The following CADPS2 variants were observed in gnomAD, a reference collection of about 807,000 sequenced individuals.
CADPS2 encodes the protein calcium-dependent secretion activator 2.
A neutral mutation model predicts 172.5 loss-of-function variants in CADPS2; 93 were observed. The observed-to-expected ratio is 0.54, with a 90% CI of 0.46 to 0.64. CADPS2 has a LOEUF of 0.64. CADPS2 is among the 30% of genes least tolerant of loss of function. The pLI is 0.00. For missense variants in CADPS2, 1,420 were observed against 1,565.9 expected, an observed-to-expected ratio of 0.91 and a Z score of 1.57; for synonymous variants, 546 against 555.2, an observed-to-expected ratio of 0.98 and a Z score of 0.23.
intron 2 of CADPS2, chr7:122,702,756 C>T: frequency 6.3e-7 from 1 of 1,582,890 alleles, no homozygotes; most frequent in South Asian, 1.2e-5. Context: ...CTCATGCCTC[C>T]ATTTGTCTAT....
chr7:122,542,074 C>A (rs1411011425), intron 8 of CADPS2, among the ~76,000 whole-genome samples: 1 of 151,638 alleles, frequency 6.6e-6, no homozygotes, highest in Non-Finnish European at 1.5e-5. Context: ...ACGTGCCAGG[C>A]AATGTTTTAG....
intron 1 of CADPS2, among the ~76,000 whole-genome samples, chr7:122,794,041 T>C (rs1043809538): frequency 6.6e-6 from 1 of 152,164 alleles, no homozygotes; most frequent in Non-Finnish European, 1.5e-5. Context: ...CTGACCTTTC[T>C]AGCTGTCATG....
chr7:122,880,636 T>C (rs184159350), intron 1 of CADPS2, among the ~76,000 whole-genome samples: 1 of 152,320 alleles, frequency 6.6e-6, no homozygotes, highest in African/African-American at 2.4e-5. Flanking sequence ...TTTAACACTA[T>C]ACCCCCTGAG....
chr7:122,531,181 G>A (rs1407229817), intron 8 of CADPS2, among the ~76,000 whole-genome samples: 1 of 152,110 alleles, frequency 6.6e-6, no homozygotes, highest in Non-Finnish European at 1.5e-5. Context: ...CTCATTTGTT[G>A]TCCTTTAGCA....
At chr7:122,648,672 T>G (rs1294521990) in intron 3 of CADPS2, among the ~76,000 whole-genome samples, 1 of 152,134 alleles carries the variant, frequency 6.6e-6, no homozygotes, top group Admixed American at 6.5e-5. Context: ...ATTCCGACAC[T>G]TTTATCTTGT....
chr7:122,705,911 T>TAATATAATATATAA (rs1491293247), intron 2 of CADPS2, among the ~76,000 whole-genome samples: 82 of 1,160 alleles, frequency 0.071, 29 homozygotes, highest in African/African-American at 0.088. Flanking sequence ...ATATAATATA[T>TAATATAATATATAA]TATATAATAT....
intron 3 of CADPS2, among the ~76,000 whole-genome samples, chr7:122,657,284 C>T (rs1161803176): frequency 6.6e-6 from 1 of 152,270 alleles, no homozygotes; most frequent in Admixed American, 6.5e-5. Flanking sequence ...ATTGTCTTGG[C>T]AATGCAGGCT....
chr7:122,452,597 T>C (rs1256583691), intron 14 of CADPS2, among the ~76,000 whole-genome samples: 2 of 152,148 alleles, frequency 1.3e-5, no homozygotes, highest in African/African-American at 2.4e-5. Flanking sequence ...GGTTTCACCA[T>C]GTTGTTCAGG....
intron 27 of CADPS2, among the ~76,000 whole-genome samples, chr7:122,352,387 G>T (rs565199390): frequency 7.3e-4 from 111 of 152,250 alleles, no homozygotes; most frequent in African/African-American, 2.5e-3. Flanking sequence ...GACTGGGATG[G>T]GTTTACTCAG....
intron 2 of CADPS2, chr7:122,676,775 T>G (rs1232858561): frequency 5.8e-6 from 6 of 1,027,628 alleles, no homozygotes; most frequent in Non-Finnish European, 2.9e-6. Flanking sequence ...CTCCAGACTG[T>G]GAACCAAACC....
chr7:122,344,228 G>C (rs1335939387), intron 28 of CADPS2, among the ~76,000 whole-genome samples: 4 of 152,180 alleles, frequency 2.6e-5, no homozygotes, highest in Non-Finnish European at 5.9e-5. Context: ...ATAATTAAGT[G>C]AAACTGCCAG....
chr7:122,354,821 A>G (rs1022524911), intron 27 of CADPS2, among the ~76,000 whole-genome samples: 1 of 152,160 alleles, frequency 6.6e-6, no homozygotes, highest in African/African-American at 2.4e-5. Flanking sequence ...CCAAGGTTCT[A>G]TGATGGGGCC....
chr7:122,563,688 C>T (rs899657478), intron 7 of CADPS2, among the ~76,000 whole-genome samples: 7 of 151,976 alleles, frequency 4.6e-5, no homozygotes, highest in South Asian at 2.1e-4. Flanking sequence ...CCATAACATA[C>T]GGTGGTCGGA....
At chr7:122,885,456 G>C (rs1025925015) in intron 1 of CADPS2, among the ~76,000 whole-genome samples, 4 of 152,006 alleles carry the variant, frequency 2.6e-5, no homozygotes, top group African/African-American at 9.7e-5. Flanking sequence ...CTGGTTGTAT[G>C]ACAATATAGG....
At chr7:122,695,086 G>T (rs1360026575) in intron 2 of CADPS2, among the ~76,000 whole-genome samples, 1 of 152,188 alleles carries the variant, frequency 6.6e-6, no homozygotes, top group Middle Eastern at 3.2e-3. Context: ...TTCTCTGCAG[G>T]ACAGTTGCAT....
intron 3 of CADPS2, among the ~76,000 whole-genome samples, chr7:122,650,449 A>G (rs1035851578): frequency 3.9e-5 from 6 of 152,104 alleles, no homozygotes; most frequent in African/African-American, 1.4e-4. Context: ...TCTCTTTGTA[A>G]AGCTGTGTTC....
intron 6 of CADPS2, among the ~76,000 whole-genome samples, chr7:122,602,545 G>T (rs558739889): frequency 1.3e-5 from 2 of 152,140 alleles, no homozygotes; most frequent in East Asian, 1.9e-4. Context: ...AAACCTTCAA[G>T]TTGAACTGGT....
intron 2 of CADPS2, among the ~76,000 whole-genome samples, chr7:122,693,505 C>T (rs2084663802): frequency 1.3e-5 from 2 of 152,306 alleles, no homozygotes; most frequent in African/African-American, 4.8e-5. Flanking sequence ...GTCTTGTGTG[C>T]ACACTGGAAT....
intron 1 of CADPS2, among the ~76,000 whole-genome samples, chr7:122,762,079 T>C (rs981727159): frequency 1.4e-5 from 2 of 146,906 alleles, no homozygotes; most frequent in African/African-American, 5.0e-5. Flanking sequence ...TGTGTATATA[T>C]AAAAGTGTAT....
Sources: gnomAD v4.1 joint callset for allele counts (sites outside exome capture counted in the v4.1 genomes callset) on GRCh38, gnomAD v4.1.1 for gene constraint, MANE v1.5 for transcripts, NCBI Gene and HGNC (gene_info 2026-07-23, HGNC 2026-07-21) for gene names.